Variants in RAPH1 observed in about 807,000 individuals in gnomAD.
RAPH1 encodes Ras association (RalGDS/AF-6) and pleckstrin homology domains 1.
A neutral mutation model predicts 88.1 loss-of-function variants in RAPH1; 18 were observed. The observed-to-expected ratio is 0.20, with a 90% CI of 0.14 to 0.30. The LOEUF (loss-of-function observed/expected upper bound fraction) is 0.30. Among genes scored for constraint, RAPH1 ranks in the 10% least tolerant of loss-of-function variants. The pLI is 1.00. For synonymous variants in RAPH1, 587 were observed against 559.0 expected (o/e 1.05, Z -0.71); for missense variants, 1,448 against 1,543.2 (o/e 0.94, Z 1.03).
intron 4 of RAPH1, among the ~76,000 whole-genome samples, chr2:203,482,107 T>A (rs914109887): frequency 4.6e-5 from 7 of 152,274 alleles, no homozygotes; most frequent in African/African-American, 1.4e-4. Context: ...ATTTGAAATA[T>A]GTTTGTGTGA....
At chr2:203,447,908 A>G in intron 12 of RAPH1, 51 bp downstream of exon 12, 1 of 1,600,828 alleles carries the variant, frequency 6.2e-7, no homozygotes, top group Non-Finnish European at 8.6e-7. Flanking sequence ...CAGTCTCTAC[A>G]GAGACCTTCA....
intron 1 of RAPH1, among the ~76,000 whole-genome samples, chr2:203,519,124 G>C (rs1689752220): frequency 6.6e-6 from 1 of 152,190 alleles, no homozygotes. Context: ...GATAGAAGCA[G>C]AGGGAATAAT....
intron 12 of RAPH1, chr2:203,446,701 G>A (rs921973865): frequency 1.3e-5 from 2 of 151,818 alleles, no homozygotes; most frequent in African/African-American, 4.8e-5. Flanking sequence ...TTGACCTTTG[G>A]AGCTCTTTCA....
At chr2:203,492,191 G>A (rs1249687854) in intron 2 of RAPH1, among the ~76,000 whole-genome samples, 3 of 146,266 alleles carry the variant, frequency 2.1e-5, no homozygotes, top group East Asian at 2.0e-4. Context: ...CCGAGATCAC[G>A]CCACTGCACT....
chr2:203,468,239 T>TA (rs1410915319), intron 4 of RAPH1, among the ~76,000 whole-genome samples: 3 of 152,220 alleles, frequency 2.0e-5, no homozygotes, highest in African/African-American at 4.8e-5. Flanking sequence ...CAGCTACAGT[T>TA]AGAGAAAAAT....
intron 1 of RAPH1, among the ~76,000 whole-genome samples, chr2:203,522,286 G>A (rs1054479963): frequency 3.3e-5 from 5 of 152,056 alleles, no homozygotes; most frequent in Admixed American, 1.3e-4. Context: ...ACCAAATCTC[G>A]ATTTATATCA....
chr2:203,501,792 C>T (rs1581370470), intron 1 of RAPH1, among the ~76,000 whole-genome samples: 1 of 120,076 alleles, frequency 8.3e-6, no homozygotes, highest in Non-Finnish European at 1.7e-5. Context: ...ACTCTGCCTA[C>T]AAAGCATCAA....
intron 4 of RAPH1, among the ~76,000 whole-genome samples, chr2:203,465,704 CT>C (rs2098527943): frequency 6.6e-6 from 1 of 152,194 alleles, no homozygotes; most frequent in African/African-American, 2.4e-5. Flanking sequence ...TGGCAAAACC[CT>C]GTCTCTACTA....
At position 203,489,622 on chromosome 2, in the gene RAPH1, C is replaced by G. The variant is rs1688150553; in HGVS notation, c.694G>C (p.Glu232Gln). ...LDIDKVTRPQELDLTHQGQPI... is the reference protein window; with the variant it reads ...LDIDKVTRPQQLDLTHQGQPI... Reference sequence around the variant, plus strand: ...TGCCCTTGATGTGTCAAATCCAGCTCTTGAGGGCGTGTTACTTTATCAATA... The same window carrying G: ...TGCCCTTGATGTGTCAAATCCAGCTGTTGAGGGCGTGTTACTTTATCAATA... Residue 232 changes from glutamate (E) to glutamine (Q), a missense_variant, in exon 4 of 14, where the codon GAG (glutamate) becomes CAG (glutamine). By Grantham distance (29) the Glu-to-Gln change is conservative. Transcript: ENST00000319170. 1 of 1,608,290 alleles carries G rather than the reference C, an allele frequency of 6.2e-7. No homozygotes were observed. Among genetic ancestry groups the G allele is most frequent in the Non-Finnish European group, 8.5e-7 (1 of 1,176,398 alleles).
At position 203,436,640 on chromosome 2, in the gene RAPH1, GATGAGTTA is replaced by G. The variant is rs2098498747; in HGVS notation, c.*2789_*2796del. On this transcript the variant is annotated 3_prime_UTR_variant, in exon 14 of 14. Transcript: ENST00000319170. The stretch of plus-strand genomic sequence containing the variant: ...CTGTTTGCACTGCCCTCAGCAGCAG[GATGAGTTA>G]ATCCATGCTGTTCACTTTTCAGTAC... 2.6e-5 allele frequency: 4 copies of G among 152,346 alleles called. No homozygotes were observed. The Middle Eastern group carries it at 0.01, about 389-fold the overall frequency. The allele number at this position is 152,346 out of a possible 1,614,324, so 9.4% of individuals were successfully genotyped here.
At position 203,495,345 on chromosome 2, in the gene RAPH1, C is replaced by T. The variant is rs1010409446; in HGVS notation, c.9G>A (p.Gln3=). The T allele has an allele frequency of 6.2e-7, 1 of 1,613,930 alleles. No homozygotes were observed. The highest frequency in any genetic ancestry group is 2.2e-5 in the East Asian group (1 of 44,866). ME[Q]LSDEEIDHGA... is the part of the protein sequence containing the mutation. Reference sequence around the variant, plus strand: ...CATGATCAATTTCTTCATCTGATAGCTGCTCCATCTGAAATACAGACATTT... The same window carrying T: ...CATGATCAATTTCTTCATCTGATAGTTGCTCCATCTGAAATACAGACATTT... The change falls in exon 2 of 14, where the codon CAG becomes CAA. Residue 3 remains glutamine (Q), a synonymous_variant. Transcript: ENST00000319170.
chr2:203,466,765 T>G (rs2098528811), intron 4 of RAPH1, among the ~76,000 whole-genome samples: 1 of 152,234 alleles, frequency 6.6e-6, no homozygotes, highest in African/African-American at 2.4e-5. Flanking sequence ...AAAACTCCTA[T>G]GTGGCTATCA....
In RAPH1 at chr2:203,441,128, T is replaced by C; in HGVS notation, c.2062A>G (p.Thr688Ala). 6.2e-7 allele frequency: 1 copy of C among 1,611,358 alleles called. No homozygotes were observed. The highest frequency in any genetic ancestry group is 8.5e-7 in the Non-Finnish European group (1 of 1,178,840). The change falls in exon 14 of 14, where the codon ACA becomes GCA. Residue 688 changes from threonine (T) to alanine (A), a missense_variant. Transcript: ENST00000319170. ...GACTGTGACTGCATCACTGGGGGTG[T>C]TGGCGGCTTAAACAGGGCCCCTGAA... ...QHSGALFKPP[T>A]PPVMQSQSVK...
chr2:203,517,410 T>C (rs1303770580), intron 1 of RAPH1, among the ~76,000 whole-genome samples: 3 of 133,888 alleles, frequency 2.2e-5, no homozygotes, highest in Non-Finnish European at 4.7e-5. Context: ...ATGAATCCAC[T>C]ATCATAGCTG....
At chr2:203,460,939 C>T (rs778363062) in intron 6 of RAPH1, among the ~76,000 whole-genome samples, 11 of 151,300 alleles carry the variant, frequency 7.3e-5, no homozygotes, top group Non-Finnish European at 1.0e-4. Context: ...ACAGGTGAAA[C>T]CCCATCTCTA....
rs2098503557 is a variant in RAPH1, at chr2:203,441,190, T to A, written c.2000A>T (p.Tyr667Phe). The change falls in exon 14 of 14, where the codon TAC becomes TTC. Residue 667 changes from tyrosine to phenylalanine, a missense_variant. By Grantham distance (22) the Tyr-to-Phe change is conservative. Transcript: ENST00000319170. ...ATTCTGTAGCCGTGTTATTGTGCTG[T>A]ACTTGACGAACATTGGGGCTGCTGA... ...AGSAAPMFVKYSTITRLQNAS... is the reference protein window; with the variant it reads ...AGSAAPMFVKFSTITRLQNAS... The A allele has an allele frequency of 6.2e-7, 1 of 1,604,058 alleles. No homozygotes were observed. The highest frequency in any genetic ancestry group is 1.7e-5 in the Admixed American group (1 of 59,336).
In RAPH1 at chr2:203,461,915, G is replaced by A. The variant is rs753448254; in HGVS notation, c.743C>T (p.Ala248Val). The change falls in exon 5 of 14, where the codon GCA becomes GTA. Residue 248 changes from alanine to valine, a missense_variant. Physicochemically the swap from Ala to Val is moderately conservative, Grantham distance 64 (BLOSUM62 0). Coordinates refer to ENST00000319170, the MANE Select transcript of RAPH1 (RefSeq NM_213589.3). ...QGQPITEEEQ[A>V]AKLKAEKIRV... is the part of the protein sequence containing the mutation. Reference sequence around the variant, plus strand: ...GATCTTCTCAGCTTTCAATTTTGCTGCCTGTTCTTCCTGTGAACACAAAGC... The same window carrying A: ...GATCTTCTCAGCTTTCAATTTTGCTACCTGTTCTTCCTGTGAACACAAAGC... 2 of 1,607,060 alleles carry A rather than the reference G, an allele frequency of 1.2e-6. No individual in the cohort carries two copies. The highest frequency in any genetic ancestry group is 3.4e-5 in the Admixed American group (2 of 59,096).
chr2:203,441,022 G>A lies in RAPH1; in HGVS notation c.2168C>T (p.Ser723Phe). ...TGCAGGCTTTAGCTGGGCCATGGCA[G>A]AGCCTGGGGTTGGGGGTGGAGGAGG... ...PPPPPPPTPG[S>F]AMAQLKPAPC... The change falls in exon 14 of 14, where the codon TCT becomes TTT. Residue 723 changes from serine (S) to phenylalanine (F), a missense_variant. Coordinates refer to ENST00000319170, the MANE Select transcript of RAPH1 (RefSeq NM_213589.3). 1 of 1,379,482 alleles carries A rather than the reference G, an allele frequency of 7.2e-7. No homozygotes were observed. Among genetic ancestry groups the A allele is most frequent in the Non-Finnish European group, 9.7e-7 (1 of 1,030,530 alleles). 85.5% of individuals were successfully genotyped at this position (1,379,482 alleles called of 1,614,324 possible). A position where few individuals can be genotyped will look rare whatever the true frequency, so the allele number is the denominator to read the frequency against.
rs2098497745 is a variant in RAPH1, at chr2:203,435,447, A to G, written c.*3990T>C. 1.3e-5 allele frequency: 2 copies of G among 151,930 alleles called. No individual in the cohort carries two copies. The highest frequency in any genetic ancestry group is 4.8e-5 in the African/African-American group (2 of 41,330). The allele number at this position is 151,930 out of a possible 1,614,324, so 9.4% of individuals were successfully genotyped here. ...GCATTTCTCTTTGGATCAAATCTCA[A>G]CTTTGTGAGAGGTCATACATTTCTA... is the stretch of plus-strand genomic sequence containing the variant. On this transcript the variant is annotated 3_prime_UTR_variant, in exon 14 of 14. Transcript: ENST00000319170.
Sources: gnomAD v4.1 joint callset for allele counts (sites outside exome capture counted in the v4.1 genomes callset) on GRCh38, gnomAD v4.1.1 for gene constraint, MANE v1.5 for transcripts, NCBI Gene and HGNC (gene_info 2026-07-23, HGNC 2026-07-21) for gene names.